The following CEP164 variants were observed in gnomAD, a reference collection of about 807,000 sequenced individuals.
CEP164 encodes centrosomal protein of 164 kDa.
A neutral mutation model predicts 182.7 loss-of-function variants in CEP164; 162 were observed. The observed-to-expected ratio is 0.89, with a 90% CI of 0.78 to 1.01. CEP164 has a LOEUF of 1.01. Ranked by LOEUF, CEP164 falls within the 50% of genes least tolerant of loss-of-function variation. The pLI, the probability that CEP164 is intolerant of heterozygous loss-of-function variation, is 0.00. For synonymous variants in CEP164, 661 were observed against 690.0 expected (o/e 0.96, Z 0.66); for missense variants, 1,735 against 1,790.4 (o/e 0.97, Z 0.56).
At chr11:117,351,132 A>C (rs952326690) in intron 4 of CEP164, among the ~76,000 whole-genome samples, 1 of 152,138 alleles carries the variant, frequency 6.6e-6, no homozygotes, top group Non-Finnish European at 1.5e-5. Context: ...TCCCAGGTTC[A>C]AGCGATTCTC....
chr11:117,401,079 A>G (rs943543695), intron 27 of CEP164, among the ~76,000 whole-genome samples: 1 of 152,188 alleles, frequency 6.6e-6, no homozygotes, highest in African/African-American at 2.4e-5. Flanking sequence ...TTCAAAGGGA[A>G]TGCTTCCAGT....
At chr11:117,398,662 G>A (rs1201684228) in intron 27 of CEP164, among the ~76,000 whole-genome samples, 2 of 152,366 alleles carry the variant, frequency 1.3e-5, no homozygotes, top group East Asian at 3.9e-4. Context: ...CCACATGGAA[G>A]TTGCCAAGGT....
At chr11:117,345,411 C>T (rs2038742075) in intron 4 of CEP164, among the ~76,000 whole-genome samples, 1 of 152,210 alleles carries the variant, frequency 6.6e-6, no homozygotes, top group African/African-American at 2.4e-5. Flanking sequence ...ATAGAGCTCT[C>T]TCCAGCTTGT....
chr11:117,344,523 G>A (rs950210615), intron 4 of CEP164, among the ~76,000 whole-genome samples: 10 of 152,192 alleles, frequency 6.6e-5, no homozygotes, highest in South Asian at 2.1e-4. Context: ...ACTGCCCTGG[G>A]TCTGGTTCTC....
intron 11 of CEP164, among the ~76,000 whole-genome samples, chr11:117,377,785 T>C (rs1207818911): frequency 6.6e-6 from 1 of 152,240 alleles, no homozygotes; most frequent in Admixed American, 6.5e-5. Context: ...TACCGTATTA[T>C]ATACCTTCAC....
rs765062784 is a variant in CEP164 at position 117,338,687 on chromosome 11, G to C, written c.82+19G>C. ...GAGCAAGGTAACAAGTCTGTGAAGAGGCCTGTGGTGTATTGTGTTTGTTTT... is the reference window on the plus strand; with the variant it reads ...GAGCAAGGTAACAAGTCTGTGAAGACGCCTGTGGTGTATTGTGTTTGTTTT... On this transcript the variant is annotated intron_variant, in intron 3 of 32. Coordinates refer to ENST00000278935, the MANE Select transcript of CEP164 (RefSeq NM_014956.5). The C allele has an allele frequency of 8.9e-6, 14 of 1,568,676 alleles. No individual in the cohort carries two copies. The highest frequency in any genetic ancestry group is 1.1e-5 in the Non-Finnish European group (13 of 1,138,588).
intron 1 of CEP164, chr11:117,328,259 C>T (rs1257337721): frequency 6.6e-6 from 1 of 152,278 alleles, no homozygotes; most frequent in Non-Finnish European, 1.5e-5. Context: ...GGCACGGGGC[C>T]CTGGTTTGCT....
intron 15 of CEP164, among the ~76,000 whole-genome samples, chr11:117,389,067 G>A (rs2044292978): frequency 6.6e-6 from 1 of 152,116 alleles, no homozygotes; most frequent in African/African-American, 2.4e-5. Flanking sequence ...ACTGTGCCCG[G>A]CCAAATTTTC....
At chr11:117,351,013 G>A (rs572488982) in intron 4 of CEP164, among the ~76,000 whole-genome samples, 1 of 152,250 alleles carries the variant, frequency 6.6e-6, no homozygotes, top group Admixed American at 6.5e-5. Context: ...ATCCACACTA[G>A]CTTGGATTAT....
chr11:117,362,096 G>A, intron 6 of CEP164, 103 bp downstream of exon 6: 2 of 1,140,614 alleles, frequency 1.8e-6, no homozygotes, highest in African/African-American at 1.6e-5. Flanking sequence ...CAGAATCGGT[G>A]GAGTCCTCAG....
Position 117,395,740 on chromosome 11 carries a change from C to A in CEP164, c.3089+18C>A. The stretch of plus-strand genomic sequence containing the variant: ...CACTTCAGGTGGCGTGGGCACCCTG[C>A]ACTTAGCCCTGCTGGCTGCCTCCTG... On this transcript the variant is annotated intron_variant, in intron 24 of 32. Transcript: ENST00000278935. The A allele has an allele frequency of 6.3e-7, 1 of 1,594,824 alleles. No homozygotes were observed. The highest frequency in any genetic ancestry group is 8.5e-7 in the Non-Finnish European group (1 of 1,170,912).
intron 30 of CEP164, 186 bp from the exon 31 acceptor site, chr11:117,410,642 C>A (rs1318453098): frequency 1.2e-5 from 6 of 520,992 alleles, no homozygotes; most frequent in Non-Finnish European, 2.1e-5. Context: ...TTGCCCTAAC[C>A]CAAATTGAAA....
At chr11:117,408,791 G>A in intron 28 of CEP164, 99 bp from the exon 29 acceptor site, 1 of 1,461,650 alleles carries the variant, frequency 6.8e-7, no homozygotes, top group Admixed American at 2.1e-5. Context: ...ACATAAAGAA[G>A]AACCTAGCTC....
At chr11:117,354,751 T>A (rs542900) in intron 5 of CEP164, among the ~76,000 whole-genome samples, 32,676 of 150,588 alleles carry the variant, frequency 0.22, 3,687 homozygotes, top group African/African-American at 0.28. Context: ...AATTATTATT[T>A]TTTTTTGCTA....
At chr11:117,338,741 T>G (rs1045315853) in intron 3 of CEP164, 73 bp downstream of exon 3, 1 of 1,230,048 alleles carries the variant, frequency 8.1e-7, no homozygotes, top group African/African-American at 1.5e-5. Context: ...TGGTTTATTT[T>G]TATTCTTTCA....
At chr11:117,336,840 G>T (rs1430240004) in intron 2 of CEP164, among the ~76,000 whole-genome samples, 1 of 151,970 alleles carries the variant, frequency 6.6e-6, no homozygotes, top group Non-Finnish European at 1.5e-5. Flanking sequence ...CATTTGGTGT[G>T]GCCAACTGCT....
upstream of CEP164, among the ~76,000 whole-genome samples, chr11:117,325,116 A>G (rs2035382177): frequency 6.6e-6 from 1 of 151,964 alleles, no homozygotes; most frequent in South Asian, 2.1e-4. Flanking sequence ...ACAGAGTCTC[A>G]CTTTGTCACC....
At chr11:117,333,619 C>CCTGGG (rs2036559207) in intron 1 of CEP164, among the ~76,000 whole-genome samples, 1 of 152,190 alleles carries the variant, frequency 6.6e-6, no homozygotes, top group Non-Finnish European at 1.5e-5. Context: ...GCCTTGACCA[C>CCTGGG]CTGGGCTCAA....
chr11:117,399,046 T>C (rs2045849943), intron 27 of CEP164, among the ~76,000 whole-genome samples: 1 of 152,220 alleles, frequency 6.6e-6, no homozygotes. Flanking sequence ...GCAGGTTTGT[T>C]ACATAGGTAT....
Sources: gnomAD v4.1 joint callset for allele counts (sites outside exome capture counted in the v4.1 genomes callset) on GRCh38, gnomAD v4.1.1 for gene constraint, MANE v1.5 for transcripts, NCBI Gene and HGNC (gene_info 2026-07-23, HGNC 2026-07-21) for gene names.